The following KCNH8 variants were observed in gnomAD, a reference collection of about 807,000 sequenced individuals.
KCNH8 encodes potassium voltage-gated channel subfamily H member 8.
In KCNH8, 70 loss-of-function variants were observed where a neutral mutation model predicts 103.6. The observed-to-expected ratio is 0.68, with a 90% CI of 0.56 to 0.82. The LOEUF is 0.82. Ranked by LOEUF, KCNH8 falls within the 40% of genes least tolerant of loss-of-function variation. The pLI, the probability that KCNH8 is intolerant of heterozygous loss-of-function variation, is 0.00. For synonymous variants in KCNH8, 498 were observed against 489.4 expected (o/e 1.02, Z -0.23); for missense variants, 1,217 against 1,329.9 (o/e 0.92, Z 1.32).
chr3:19,329,804 C>T (rs1252043984), intron 3 of KCNH8, among the ~76,000 whole-genome samples: 1 of 152,104 alleles, frequency 6.6e-6, no homozygotes, highest in Non-Finnish European at 1.5e-5. Flanking sequence ...AAAAAGCATG[C>T]ATTCTGGCAC....
chr3:19,491,702 C>T (rs1368499684), intron 11 of KCNH8, among the ~76,000 whole-genome samples: 22 of 152,294 alleles, frequency 1.4e-4, no homozygotes, highest in Non-Finnish European at 1.2e-4. Flanking sequence ...TGGGTATGCG[C>T]CCAGTAATGG....
chr3:19,466,653 T>A lies in KCNH8; in HGVS notation c.2040+9671T>A, dbSNP rs1363683868. On this transcript the variant is annotated intron_variant, in intron 11 of 15. Coordinates refer to ENST00000328405, the MANE Select transcript of KCNH8 (RefSeq NM_144633.3). Reference sequence around the variant, plus strand: ...GTTAACATTTTGTAGCAATACATTTTTTTTTTTTTTTTTTTTTTTTTTTTT... The same window carrying A: ...GTTAACATTTTGTAGCAATACATTTATTTTTTTTTTTTTTTTTTTTTTTTT... Among the ~76,000 whole-genome samples the A allele has an allele frequency of 1.3e-3, 34 of 26,888 alleles. No individual in the cohort carries two copies. The African/African-American group carries it at 0.014, about 11-fold the overall frequency. 17.6% of individuals were successfully genotyped at this position (26,888 alleles called of 152,430 possible).
intron 7 of KCNH8, among the ~76,000 whole-genome samples, chr3:19,428,315 T>G (rs908245718): frequency 3.9e-4 from 59 of 152,266 alleles, no homozygotes; most frequent in African/African-American, 1.4e-3. Context: ...ATATTCTGAG[T>G]CTGTGTCTTA....
At chr3:19,408,095 G>A (rs567134699) in intron 7 of KCNH8, among the ~76,000 whole-genome samples, 1 of 152,166 alleles carries the variant, frequency 6.6e-6, no homozygotes, top group South Asian at 2.1e-4. Context: ...GGGAGCTTCT[G>A]CCAGTAAACA....
intron 1 of KCNH8, among the ~76,000 whole-genome samples, chr3:19,238,271 G>C (rs909824366): frequency 9.9e-5 from 15 of 152,164 alleles, no homozygotes; most frequent in Non-Finnish European, 2.1e-4. Flanking sequence ...TCTTTCCCTT[G>C]TAATGTCCAT....
At chr3:19,416,007 A>T (rs2066858079) in intron 7 of KCNH8, among the ~76,000 whole-genome samples, 1 of 152,094 alleles carries the variant, frequency 6.6e-6, no homozygotes, top group Non-Finnish European at 1.5e-5. Flanking sequence ...TTAGACACTT[A>T]GCTCATTAAC....
At chr3:19,220,323 C>T (rs922772519) in intron 1 of KCNH8, among the ~76,000 whole-genome samples, 1 of 152,236 alleles carries the variant, frequency 6.6e-6, no homozygotes, top group African/African-American at 2.4e-5. Context: ...CACCCAGCTA[C>T]CTGGGTTACT....
At chr3:19,467,576 G>C (rs1463295962) in intron 11 of KCNH8, among the ~76,000 whole-genome samples, 1 of 152,098 alleles carries the variant, frequency 6.6e-6, no homozygotes, top group Non-Finnish European at 1.5e-5. Flanking sequence ...AGCCCATGGG[G>C]GCAGGGAAGA....
intron 1 of KCNH8, among the ~76,000 whole-genome samples, chr3:19,232,174 T>C (rs1343219162): frequency 6.6e-6 from 1 of 152,214 alleles, no homozygotes; most frequent in Non-Finnish European, 1.5e-5. Flanking sequence ...CTTGCATGAT[T>C]AGCAAACAAG....
At chr3:19,246,424 G>C (rs953794381) in intron 1 of KCNH8, among the ~76,000 whole-genome samples, 71 of 151,310 alleles carry the variant, frequency 4.7e-4, no homozygotes, top group South Asian at 1.1e-3. Flanking sequence ...CTACAGGCAC[G>C]TGCCACCATG....
chr3:19,204,659 T>C (rs147092484), intron 1 of KCNH8, among the ~76,000 whole-genome samples: 55 of 152,182 alleles, frequency 3.6e-4, no homozygotes, highest in Non-Finnish European at 6.3e-4. Context: ...TATAATGCGC[T>C]CACTTGAAAG....
intron 3 of KCNH8, among the ~76,000 whole-genome samples, chr3:19,324,451 G>A (rs953334321): frequency 3.3e-5 from 5 of 152,214 alleles, no homozygotes; most frequent in African/African-American, 9.6e-5. Context: ...ACAGCAGGGG[G>A]AAAACCACTC....
At chr3:19,225,296 G>C (rs2063918054) in intron 1 of KCNH8, among the ~76,000 whole-genome samples, 1 of 151,770 alleles carries the variant, frequency 6.6e-6, no homozygotes, top group African/African-American at 2.4e-5. Context: ...TTACAGATAA[G>C]GAAACTGAGG....
chr3:19,315,250 A>C (rs1474039562), intron 3 of KCNH8, among the ~76,000 whole-genome samples: 1 of 152,012 alleles, frequency 6.6e-6, no homozygotes, highest in African/African-American at 2.4e-5. Flanking sequence ...TCCAAGAGGT[A>C]GGATCACAGG....
rs779087412 is a variant in KCNH8, at chr3:19,450,321, C to T, written c.1575+16C>T. On this transcript the variant is annotated intron_variant, in intron 9 of 15. Coordinates refer to ENST00000328405, the MANE Select transcript of KCNH8 (RefSeq NM_144633.3). Reference sequence around the variant, plus strand: ...TTCAAATGAGGTAATGTTCATTTCTCATGTTGTTTTCAGGCAGAAAGCACA... The same window carrying T: ...TTCAAATGAGGTAATGTTCATTTCTTATGTTGTTTTCAGGCAGAAAGCACA... The T allele has an allele frequency of 6.3e-7, 1 of 1,592,756 alleles. No homozygotes were observed. The highest frequency in any genetic ancestry group is 1.7e-5 in the Admixed American group (1 of 59,916).
In KCNH8 at chr3:19,535,293, C is replaced by A. The variant is rs1009729963; in HGVS notation, c.*1194C>A. 1.3e-5 allele frequency: 2 copies of A among 152,152 alleles called. No individual in the cohort carries two copies. Among genetic ancestry groups the A allele is most frequent in the African/African-American group, 2.4e-5 (1 of 41,444 alleles). The allele number at this position is 152,152 out of a possible 1,614,324, so 9.4% of individuals were successfully genotyped here. On this transcript the variant is annotated 3_prime_UTR_variant, in exon 16 of 16. Transcript: ENST00000328405. ...AATACCAGCTTGCAATGGGTCAGCA[C>A]TTTACCTTTTTTCTTTAAGGCTCCC...
chr3:19,473,138 T>C (rs2067898112), intron 11 of KCNH8, among the ~76,000 whole-genome samples: 1 of 152,210 alleles, frequency 6.6e-6, no homozygotes, highest in Non-Finnish European at 1.5e-5. Context: ...ACTCATGGTC[T>C]TCTGCATACA....
chr3:19,353,721 A>G (rs2065838530), intron 5 of KCNH8, among the ~76,000 whole-genome samples: 1 of 152,208 alleles, frequency 6.6e-6, no homozygotes, highest in Admixed American at 6.5e-5. Flanking sequence ...CTAGGTATTG[A>G]TGGGACGTAT....
At chr3:19,316,057 A>G (rs2065269692) in intron 3 of KCNH8, among the ~76,000 whole-genome samples, 1 of 152,076 alleles carries the variant, frequency 6.6e-6, no homozygotes, top group Admixed American at 6.6e-5. Flanking sequence ...TAAGTCATGT[A>G]TTAATTTCAA....
Sources: gnomAD v4.1 joint callset for allele counts (sites outside exome capture counted in the v4.1 genomes callset) on GRCh38, gnomAD v4.1.1 for gene constraint, MANE v1.5 for transcripts, NCBI Gene and HGNC (gene_info 2026-07-23, HGNC 2026-07-21) for gene names.